The following PAPPA2 variants were observed in gnomAD, a reference collection of about 807,000 sequenced individuals.
PAPPA2 encodes pappalysin-2.
Under a neutral mutation model 176.4 loss-of-function variants are expected in PAPPA2, and 86 were observed. The observed-to-expected ratio is 0.49, with a 90% CI of 0.41 to 0.58. The LOEUF (loss-of-function observed/expected upper bound fraction) is 0.58. PAPPA2 is among the 20% of genes least tolerant of loss of function. PAPPA2 has a pLI of 0.00. For synonymous variants in PAPPA2, 809 were observed against 852.2 expected, an observed-to-expected ratio of 0.95 and a Z score of 0.88; for missense variants, 2,073 against 2,256.9, an observed-to-expected ratio of 0.92 and a Z score of 1.65.
At chr1:176,651,978 T>C (rs1281244984) in intron 3 of PAPPA2, among the ~76,000 whole-genome samples, 1 of 151,736 alleles carries the variant, frequency 6.6e-6, no homozygotes, top group African/African-American at 2.4e-5. Flanking sequence ...TTCCAACATT[T>C]CTGTTTTTTT....
At chr1:176,577,557 C>T (rs944442940) in intron 2 of PAPPA2, among the ~76,000 whole-genome samples, 1 of 152,110 alleles carries the variant, frequency 6.6e-6, no homozygotes, top group East Asian at 1.9e-4. Flanking sequence ...TTATCTAGAA[C>T]AGCTGAAAAA....
In PAPPA2 at chr1:176,841,757, C is replaced by A. The variant is rs1332232710; in HGVS notation, c.5302-623C>A. 5.9e-5 allele frequency among the ~76,000 whole-genome samples: 9 copies of A among 152,120 alleles called. No homozygotes were observed. In the East Asian group the frequency reaches 1.4e-3, roughly 23 times the overall value. On this transcript the variant is annotated intron_variant, in intron 22 of 22. Coordinates refer to ENST00000367662, the MANE Select transcript of PAPPA2 (RefSeq NM_020318.3). Reference sequence around the variant, plus strand: ...ACAATGGGTGGGTAGATGCATTATTCCACCAAGTCAAAGTATATCCTGGGC... The same window carrying A: ...ACAATGGGTGGGTAGATGCATTATTACACCAAGTCAAAGTATATCCTGGGC...
intron 3 of PAPPA2, among the ~76,000 whole-genome samples, chr1:176,604,313 C>T (rs1316205181): frequency 1.3e-5 from 2 of 152,124 alleles, no homozygotes; most frequent in Non-Finnish European, 2.9e-5. Flanking sequence ...TTCATTTTCT[C>T]CACTAGAAAG....
chr1:176,501,613 T>TGG (rs1647967127), intron 1 of PAPPA2, among the ~76,000 whole-genome samples: 1 of 152,174 alleles, frequency 6.6e-6, no homozygotes, highest in Non-Finnish European at 1.5e-5. Context: ...CAGTAAGAAA[T>TGG]GGGGAAGCCT....
intron 1 of PAPPA2, among the ~76,000 whole-genome samples, chr1:176,469,162 A>G (rs1429355360): frequency 6.6e-6 from 1 of 152,194 alleles, no homozygotes; most frequent in Non-Finnish European, 1.5e-5. Flanking sequence ...TGCTGCTTCA[A>G]TTTCCTTGAT....
intron 12 of PAPPA2, among the ~76,000 whole-genome samples, chr1:176,713,477 T>C (rs927320084): frequency 6.6e-6 from 1 of 152,198 alleles, no homozygotes; most frequent in Admixed American, 6.6e-5. Context: ...GGCAAGCTTG[T>C]ATTCACTTAA....
intron 6 of PAPPA2, among the ~76,000 whole-genome samples, chr1:176,693,228 T>C (rs141815793): frequency 1.0e-3 from 158 of 152,330 alleles, no homozygotes; most frequent in African/African-American, 3.6e-3. Context: ...TGGCACTATA[T>C]GTGAAGTGTT....
At chr1:176,609,423 C>T (rs1654784923) in intron 3 of PAPPA2, among the ~76,000 whole-genome samples, 1 of 151,542 alleles carries the variant, frequency 6.6e-6, no homozygotes, top group Non-Finnish European at 1.5e-5. Context: ...AAAGGCCAGA[C>T]AGTGGTAAGT....
chr1:176,680,325 T>A (rs1659521214), intron 4 of PAPPA2, among the ~76,000 whole-genome samples: 1 of 152,156 alleles, frequency 6.6e-6, no homozygotes, highest in African/African-American at 2.4e-5. Flanking sequence ...TTTTTTTTTG[T>A]CTCTGTAAAT....
chr1:176,524,748 G>A (rs1649392282), intron 1 of PAPPA2, among the ~76,000 whole-genome samples: 1 of 152,182 alleles, frequency 6.6e-6, no homozygotes, highest in African/African-American at 2.4e-5. Flanking sequence ...CCTTGGTCGG[G>A]CGCGGTGGCT....
intron 2 of PAPPA2, 131 bp downstream of exon 2, chr1:176,557,372 G>C (rs772586404): frequency 7.7e-6 from 8 of 1,037,576 alleles, no homozygotes; most frequent in South Asian, 1.7e-5. Flanking sequence ...GCCAGGGAGA[G>C]GGGGAAGGGC....
rs1443962416 is a variant in PAPPA2 at position 176,571,596 on chromosome 1, C to A, written c.919+14355C>A. On this transcript the variant is annotated intron_variant, in intron 2 of 22. Coordinates refer to ENST00000367662, the MANE Select transcript of PAPPA2 (RefSeq NM_020318.3). ...ATGCTGCCATCCAAACTGGCCAGGT[C>A]TGGCTCATGTTCCTCAGTCCCAAGG... Among the ~76,000 whole-genome samples, 4 of 152,232 alleles carry A rather than the reference C, an allele frequency of 2.6e-5. No individual in the cohort carries two copies. The East Asian group carries it at 7.7e-4, about 29-fold the overall frequency.
At chr1:176,736,179 A>G (rs1165048002) in intron 12 of PAPPA2, among the ~76,000 whole-genome samples, 1 of 151,974 alleles carries the variant, frequency 6.6e-6, no homozygotes, top group Non-Finnish European at 1.5e-5. Context: ...ATGCATTTGG[A>G]GTGATCAGAA....
chr1:176,768,393 A>G (rs113925432), intron 15 of PAPPA2, among the ~76,000 whole-genome samples: 153 of 152,240 alleles, frequency 1.0e-3, no homozygotes, highest in African/African-American at 3.5e-3. Flanking sequence ...CATGCATTAT[A>G]CAATATGGCT....
At chr1:176,468,492 T>C (rs183010908) in intron 1 of PAPPA2, among the ~76,000 whole-genome samples, 1 of 152,280 alleles carries the variant, frequency 6.6e-6, no homozygotes, top group Non-Finnish European at 1.5e-5. Context: ...CTATTCCTCC[T>C]AGCTAAGTGC....
intron 12 of PAPPA2, among the ~76,000 whole-genome samples, chr1:176,738,608 T>C (rs758694164): frequency 2.0e-5 from 3 of 152,156 alleles, no homozygotes; most frequent in Non-Finnish European, 2.9e-5. Context: ...GAAATGCACG[T>C]AGAACTTTGT....
intron 21 of PAPPA2, among the ~76,000 whole-genome samples, chr1:176,819,495 A>G (rs1412282158): frequency 6.6e-6 from 1 of 152,126 alleles, no homozygotes; most frequent in Admixed American, 6.5e-5. Context: ...TGTGACCTCA[A>G]TCAAAGTCAT....
At chr1:176,672,697 T>G (rs1311517062) in intron 4 of PAPPA2, among the ~76,000 whole-genome samples, 1 of 152,186 alleles carries the variant, frequency 6.6e-6, no homozygotes, top group Non-Finnish European at 1.5e-5. Context: ...GGAGGCTATA[T>G]GCAAATGTAT....
chr1:176,803,281 G>A (rs978639983), intron 21 of PAPPA2, among the ~76,000 whole-genome samples: 12 of 152,108 alleles, frequency 7.9e-5, no homozygotes, highest in African/African-American at 1.7e-4. Flanking sequence ...CATACATAAC[G>A]CATTGAGTGT....
Sources: gnomAD v4.1 joint callset for allele counts (sites outside exome capture counted in the v4.1 genomes callset) on GRCh38, gnomAD v4.1.1 for gene constraint, MANE v1.5 for transcripts, NCBI Gene and HGNC (gene_info 2026-07-23, HGNC 2026-07-21) for gene names.